Variants in ABAT observed in about 807,000 individuals in gnomAD.
ABAT encodes the protein 4-aminobutyrate aminotransferase.
In ABAT, 45 loss-of-function variants were observed where a neutral mutation model predicts 64.6. The ratio of observed to expected loss-of-function variants is 0.70; its 90% CI spans 0.55 to 0.89. The LOEUF (loss-of-function observed/expected upper bound fraction) is 0.89. Ranked by LOEUF, ABAT falls within the 40% of genes least tolerant of loss-of-function variation. The pLI, the probability that ABAT is intolerant of heterozygous loss-of-function variation, is 0.00. For synonymous variants in ABAT, 297 were observed against 250.5 expected, an observed-to-expected ratio of 1.19 and a Z score of -1.75; for missense variants, 633 against 658.4, an observed-to-expected ratio of 0.96 and a Z score of 0.42.
At chr16:8,713,624 T>G (rs930308885) in intron 1 of ABAT, 4 of 317,868 alleles carry the variant, frequency 1.3e-5, no homozygotes, top group Non-Finnish European at 2.6e-5. Context: ...ACCAGCTGAG[T>G]GCATCCTTTT....
chr16:8,683,557 AAAAAAAG>A (rs2057382835), intron 1 of ABAT: 1 of 151,438 alleles, frequency 6.6e-6, no homozygotes, highest in Non-Finnish European at 1.5e-5. Context: ...TTTCTAAAAA[AAAAAAAG>A]AGAGAGAGAG....
Position 8,754,900 on chromosome 16 carries a change from G to C in ABAT, c.317-2857G>C, listed in dbSNP as rs539834174. On this transcript the variant is annotated intron_variant, in intron 5 of 15. Transcript: ENST00000268251. ...CGCTGGGCTAATTTTTGTATTTTTA[G>C]TAGAGATGGGGTTTCACCATGTTGG... Among the ~76,000 whole-genome samples, 93 of 151,858 alleles carry C rather than the reference G, an allele frequency of 6.1e-4. 1 individual carries two copies. Among genetic ancestry groups the C allele is most frequent in the African/African-American group, 2.0e-3 (84 of 41,412 alleles).
intron 9 of ABAT, among the ~76,000 whole-genome samples, chr16:8,767,265 C>A (rs140643480): frequency 1.3e-5 from 2 of 152,340 alleles, no homozygotes; most frequent in Non-Finnish European, 1.5e-5. Flanking sequence ...GTCCATGCAC[C>A]CCTCCTGAAC....
rs988289504 is a variant in ABAT, at chr16:8,688,796, A to G, written c.-42+14085A>G. On this transcript the variant is annotated intron_variant, in intron 1 of 15. Coordinates refer to ENST00000268251, the MANE Select transcript of ABAT (RefSeq NM_020686.6). ...TTTTTGTGTCCTACTTAAGAAGTCC[A>G]GCTGGGCATGGTATCTCACACCTGT... Among the ~76,000 whole-genome samples the G allele has an allele frequency of 2.6e-5, 4 of 152,196 alleles. No homozygotes were observed. In the East Asian group the frequency reaches 7.7e-4, roughly 29 times the overall value.
At chr16:8,739,635 T>A (rs2059102688) in intron 2 of ABAT, among the ~76,000 whole-genome samples, 1 of 152,090 alleles carries the variant, frequency 6.6e-6, no homozygotes, top group African/African-American at 2.4e-5. Context: ...GGAGAATGGG[T>A]TAGAACCCAG....
intron 14 of ABAT, 151 bp from the exon 15 acceptor site, chr16:8,779,328 T>A (rs2060362455): frequency 1.5e-6 from 1 of 677,874 alleles, no homozygotes; most frequent in Non-Finnish European, 2.6e-6. Flanking sequence ...GGCCTGAATG[T>A]CCCCAGAGCT....
chr16:8,746,721 AAAG>A (rs1376455707), intron 3 of ABAT, among the ~76,000 whole-genome samples: 6 of 152,058 alleles, frequency 3.9e-5, no homozygotes, highest in African/African-American at 1.4e-4. Context: ...CAAAAAAAAA[AAAG>A]AAAAAGAAGC....
chr16:8,777,021 C>T (rs2142999103), intron 14 of ABAT, among the ~76,000 whole-genome samples: 1 of 152,296 alleles, frequency 6.6e-6, no homozygotes, highest in East Asian at 1.9e-4. Context: ...GCCTCAGCCT[C>T]CCAAGTAGCT....
chr16:8,706,885 G>C (rs1467362830), intron 1 of ABAT, among the ~76,000 whole-genome samples: 1 of 152,304 alleles, frequency 6.6e-6, no homozygotes, highest in East Asian at 1.9e-4. Flanking sequence ...GTGATTCCTA[G>C]GTTTTGGCTA....
In ABAT at chr16:8,754,710, CTTTCTTTCTTTCTTTT is replaced by C. The variant is rs1567305373; in HGVS notation, c.317-3043_317-3028del. 2.4e-3 allele frequency among the ~76,000 whole-genome samples: 162 copies of C among 66,370 alleles called. 1 individual carries two copies. In the East Asian group the frequency reaches 0.058, roughly 24 times the overall value. 43.5% of individuals were successfully genotyped at this position (66,370 alleles called of 152,430 possible). A position where few individuals can be genotyped will look rare whatever the true frequency, so the allele number is the denominator to read the frequency against. ...TCTTTCTTTCTTTCTTTCTTTCTTT[CTTTCTTTCTTTCTTTT>C]TTTTTTCTTGAAAACGGAGTCCCAT... is the stretch of plus-strand genomic sequence containing the variant. On this transcript the variant is annotated intron_variant, in intron 5 of 15. Coordinates refer to ENST00000268251, the MANE Select transcript of ABAT (RefSeq NM_020686.6).
At chr16:8,699,510 G>T (rs2057773136) in intron 1 of ABAT, among the ~76,000 whole-genome samples, 1 of 151,970 alleles carries the variant, frequency 6.6e-6, no homozygotes, top group African/African-American at 2.4e-5. Flanking sequence ...GTGAGCCGAG[G>T]TCGTGCCATT....
intron 2 of ABAT, among the ~76,000 whole-genome samples, chr16:8,738,013 A>AAAGAAAGAAAGAAAGAAAGAAAGAAAGG (rs1268824206): frequency 7.1e-5 from 8 of 111,910 alleles, no homozygotes; most frequent in African/African-American, 1.2e-4. Flanking sequence ...AGAAAGAAAG[A>AAAGAAAGAAAGAAAGAAAGAAAGAAAGG]AAGGAAAGAA....
intron 1 of ABAT, among the ~76,000 whole-genome samples, chr16:8,729,892 G>C (rs1276586978): frequency 6.6e-6 from 1 of 151,336 alleles, no homozygotes; most frequent in Non-Finnish European, 1.5e-5. Context: ...GAGAGTGTCA[G>C]GACTCTGGCC....
chr16:8,685,444 C>T (rs2057432730), intron 1 of ABAT, among the ~76,000 whole-genome samples: 1 of 151,922 alleles, frequency 6.6e-6, no homozygotes. Context: ...CCGAGGCAGG[C>T]AGATTGCCTG....
At position 8,776,240 on chromosome 16, in the gene ABAT, T is replaced by C; in HGVS notation, c.1123-104T>C. 2 of 1,503,892 alleles carry C rather than the reference T, an allele frequency of 1.3e-6. No individual in the cohort carries two copies. Among genetic ancestry groups the C allele is most frequent in the Non-Finnish European group, 1.8e-6 (2 of 1,088,482 alleles). 93.2% of individuals were successfully genotyped at this position (1,503,892 alleles called of 1,614,324 possible). A position where few individuals can be genotyped will look rare whatever the true frequency, so the allele number is the denominator to read the frequency against. ...AGCCTCTGGTAGATGCCCACTAGAT[T>C]AGTTTCTCTCCTCTTCAAGAGAGGA... On this transcript the variant is annotated intron_variant, in intron 13 of 15. Transcript: ENST00000268251. This position sits in a 1 kb window ranked among gnomAD's most constrained non-coding sequence, Gnocchi z 4.4.
intron 9 of ABAT, among the ~76,000 whole-genome samples, chr16:8,766,742 G>T (rs1042294683): frequency 1.3e-5 from 2 of 152,148 alleles, no homozygotes; most frequent in East Asian, 1.9e-4. Context: ...GCCGAGGCGG[G>T]TGGATCTCCC....
chr16:8,704,353 A>C (rs1245847702), intron 1 of ABAT, among the ~76,000 whole-genome samples: 1 of 152,186 alleles, frequency 6.6e-6, no homozygotes, highest in Non-Finnish European at 1.5e-5. Flanking sequence ...CCTATAATTA[A>C]ATATCTGGAC....
At chr16:8,688,830 C>T (rs1306046467) in intron 1 of ABAT, among the ~76,000 whole-genome samples, 1 of 152,252 alleles carries the variant, frequency 6.6e-6, no homozygotes, top group Non-Finnish European at 1.5e-5. Flanking sequence ...GTAATCCCAA[C>T]ACTTTGGGAG....
At chr16:8,717,497 AC>A (rs2058246470) in intron 1 of ABAT, among the ~76,000 whole-genome samples, 1 of 152,206 alleles carries the variant, frequency 6.6e-6, no homozygotes, top group Admixed American at 6.5e-5. Flanking sequence ...AGAGCATACT[AC>A]CTGTGCCTTC....
Sources: gnomAD v4.1 joint callset for allele counts (sites outside exome capture counted in the v4.1 genomes callset) on GRCh38, gnomAD v4.1.1 for gene constraint, Gnocchi (gnomAD v3.1) non-coding constraint, MANE v1.5 for transcripts, NCBI Gene and HGNC (gene_info 2026-07-23, HGNC 2026-07-21) for gene names.